The following CYLC1 variants were observed in gnomAD, a reference collection of about 807,000 sequenced individuals.
CYLC1 encodes cylicin 1.
Under a neutral mutation model 31.6 loss-of-function variants are expected in CYLC1, and 2 were observed. The ratio of observed to expected loss-of-function variants is 0.06; its 90% CI spans 0.03 to 0.20. The LOEUF is 0.20. Ranked by LOEUF, CYLC1 falls within the 10% of genes least tolerant of loss-of-function variation. The pLI is 1.00. For synonymous variants in CYLC1, 185 were observed against 153.0 expected (o/e 1.21, Z -1.54); for missense variants, 595 against 424.1 (o/e 1.40, Z -3.54).
chrX:83,876,698 A>G (rs895442564), intron 4 of CYLC1, among the ~76,000 whole-genome samples: 13 of 110,437 alleles, frequency 1.2e-4, no homozygotes, highest in African/African-American at 4.3e-4. Context: ...CAGCATTTAA[A>G]CTAACCTTTC....
Position 83,877,959 on chromosome X carries a change from AAT to A in CYLC1, c.1923+3337_1923+3338del, listed in dbSNP as rs1213447740. Among the ~76,000 whole-genome samples, 15 of 74,292 alleles carry A rather than the reference AAT, an allele frequency of 2.0e-4. 1 individual carries two copies. The highest frequency in any genetic ancestry group is 3.4e-4 in the Non-Finnish European group (14 of 41,787). The allele number at this position is 74,292 out of a possible 115,157, so 64.5% of individuals were successfully genotyped here. On this transcript the variant is annotated intron_variant, in intron 4 of 4. Coordinates refer to ENST00000329312, the MANE Select transcript of CYLC1 (RefSeq NM_021118.3). Reference sequence around the variant, plus strand: ...ATATATATATTTGTATATAAATATAAATATATATATTTGTATATAAATATAAA... The same window carrying A: ...ATATATATATTTGTATATAAATATAAATATATATTTGTATATAAATATAAA...
At chrX:83,871,713 C>T in intron 3 of CYLC1, 143 bp downstream of exon 3, 1 of 493,251 alleles carries the variant, frequency 2.0e-6, no homozygotes, top group Non-Finnish European at 3.1e-6. Context: ...AACAGACTGC[C>T]CCTACCTGCT....
At chrX:83,876,119 T>A (rs2031754461) in intron 4 of CYLC1, among the ~76,000 whole-genome samples, 1 of 110,902 alleles carries the variant, frequency 9.0e-6, no homozygotes, top group Non-Finnish European at 1.9e-5. Context: ...CATATGTACA[T>A]CAATTTACTT....
Position 83,861,172 on chromosome X carries a change from AG to A in CYLC1, c.-9del, listed in dbSNP as rs769884439. The A allele has an allele frequency of 4.2e-6, 5 of 1,200,809 alleles. No homozygotes were observed. The East Asian group carries it at 1.5e-4, about 36-fold the overall frequency. ...CTATGCTCAAGTCCAGGCAACGTAC[AG>A]GCAGGGGAAATGTCTCTTCCAAGGT... On this transcript the variant is annotated 5_prime_UTR_variant, in exon 1 of 5. Coordinates refer to ENST00000329312, the MANE Select transcript of CYLC1 (RefSeq NM_021118.3).
intron 3 of CYLC1, 71 bp from the exon 4 acceptor site, chrX:83,872,815 C>CT (rs1234360044): frequency 2.4e-6 from 2 of 822,197 alleles, no homozygotes; most frequent in Admixed American, 4.5e-5. Context: ...AAAATATAAA[C>CT]TTTTTTATGT....
chrX:83,877,877 C>CATATATAT (rs763314367), intron 4 of CYLC1, among the ~76,000 whole-genome samples: 2 of 57,409 alleles, frequency 3.5e-5, no homozygotes, highest in Non-Finnish European at 6.1e-5. Flanking sequence ...CCTGTTTTTT[C>CATATATAT]ATATATATAT....
chrX:83,885,936 A>G (rs1405181995), intron 4 of CYLC1, among the ~76,000 whole-genome samples: 1 of 110,213 alleles, frequency 9.1e-6, no homozygotes, highest in African/African-American at 3.3e-5. Context: ...GCATTCATTG[A>G]AATAATAATG....
intron 4 of CYLC1, among the ~76,000 whole-genome samples, chrX:83,876,157 A>T (rs2031755018): frequency 9.0e-6 from 1 of 110,680 alleles, no homozygotes; most frequent in Admixed American, 9.8e-5. Context: ...TTTGGAAGAT[A>T]AAAACATCTT....
chrX:83,882,270 C>G, intron 4 of CYLC1, among the ~76,000 whole-genome samples: 1 of 109,543 alleles, frequency 9.1e-6, no homozygotes, highest in Non-Finnish European at 1.9e-5. Flanking sequence ...GTACATCATC[C>G]TCTCTTCTTC....
At chrX:83,884,943 T>A (rs996400086) in intron 4 of CYLC1, among the ~76,000 whole-genome samples, 51 of 111,097 alleles carry the variant, frequency 4.6e-4, no homozygotes, top group African/African-American at 1.7e-3. Context: ...CTTTCCTATA[T>A]GGAAAAAAAT....
intron 2 of CYLC1, among the ~76,000 whole-genome samples, chrX:83,870,918 G>C (rs1223087379): frequency 2.7e-5 from 3 of 110,287 alleles, no homozygotes; most frequent in African/African-American, 9.8e-5. Flanking sequence ...TTCCACCTAG[G>C]GCCCTAATTC....
At chrX:83,883,750 A>C (rs6622826) in intron 4 of CYLC1, among the ~76,000 whole-genome samples, 5,483 of 111,704 alleles carry the variant, frequency 0.049, 189 homozygotes, top group East Asian at 0.2. Flanking sequence ...ATTCCCAAGA[A>C]AGTGGGCACT....
At chrX:83,864,793 C>A (rs1011374646) in intron 1 of CYLC1, 4 of 255,556 alleles carry the variant, frequency 1.6e-5, no homozygotes, top group African/African-American at 1.2e-4. Context: ...TACAACTGAG[C>A]CCCTTCATGA....
intron 4 of CYLC1, among the ~76,000 whole-genome samples, chrX:83,885,039 A>G (rs1792371961): frequency 9.0e-6 from 1 of 111,515 alleles, no homozygotes; most frequent in African/African-American, 3.2e-5. Context: ...TTTCCATAAT[A>G]ACTATGGTTT....
At chrX:83,874,710 C>G (rs2031735571) in intron 4 of CYLC1, 79 bp downstream of exon 4, 1 of 996,389 alleles carries the variant, frequency 1.0e-6, no homozygotes, top group Non-Finnish European at 1.3e-6. Context: ...TTTATGTTTT[C>G]TCCAAATAAT....
rs779890937 is a variant in CYLC1, at chrX:83,886,562, C to T, written c.1934C>T (p.Pro645Leu). ...KPRYAPLPEA[P>L]WIHKLL Reference sequence around the variant, plus strand: ...TACTTTGCTCCTCAGCCTGAAGCACCGTGGATTCATAAGCTGCTTTAAAGA... The same window carrying T: ...TACTTTGCTCCTCAGCCTGAAGCACTGTGGATTCATAAGCTGCTTTAAAGA... Residue 645 changes from proline to leucine, a missense_variant, in exon 5 of 5, where the codon CCG becomes CTG. Transcript: ENST00000329312. 9 of 1,206,358 alleles carry T rather than the reference C, an allele frequency of 7.5e-6. No individual in the cohort carries two copies. In the South Asian group the frequency reaches 1.1e-4, roughly 14 times the overall value.
At chrX:83,867,547 G>T (rs771371691) in intron 1 of CYLC1, among the ~76,000 whole-genome samples, 2 of 111,301 alleles carry the variant, frequency 1.8e-5, no homozygotes, top group Non-Finnish European at 3.8e-5. Flanking sequence ...TGTTAGCAAG[G>T]CTGGTTTCTT....
Position 83,863,465 on chromosome X carries a change from A to T in CYLC1, c.17+2266A>T, listed in dbSNP as rs751654556. On this transcript the variant is annotated intron_variant, in intron 1 of 4. Coordinates refer to ENST00000329312, the MANE Select transcript of CYLC1 (RefSeq NM_021118.3). ...AGGCTCATGGTGAATTAGCACAAAT[A>T]TTTCCTTGCATACATCCTCAGTTCC... Among the ~76,000 whole-genome samples the T allele has an allele frequency of 3.6e-5, 4 of 111,075 alleles. No homozygotes were observed. The South Asian group carries it at 1.5e-3, about 42-fold the overall frequency.
intron 4 of CYLC1, among the ~76,000 whole-genome samples, chrX:83,878,424 TATATATATAAATATATATAA>T (rs1468974560): frequency 3.7e-3 from 13 of 3,472 alleles, no homozygotes; most frequent in African/African-American, 4.1e-3. Context: ...TATATATAAA[TATATATATAAATATATATAA>T]ATATATATAA....
Sources: gnomAD v4.1 joint callset for allele counts (sites outside exome capture counted in the v4.1 genomes callset) on GRCh38, gnomAD v4.1.1 for gene constraint, MANE v1.5 for transcripts, NCBI Gene and HGNC (gene_info 2026-07-23, HGNC 2026-07-21) for gene names.